Variants in SPATS2 observed in about 807,000 individuals in gnomAD.
SPATS2 encodes spermatogenesis-associated serine-rich protein 2.
Under a neutral mutation model 63.7 loss-of-function variants are expected in SPATS2, and 38 were observed. The ratio of observed to expected loss-of-function variants is 0.60; its 90% CI spans 0.46 to 0.78. The LOEUF (loss-of-function observed/expected upper bound fraction) is 0.78. Ranked by LOEUF, SPATS2 falls within the 30% of genes least tolerant of loss-of-function variation. The probability of loss-of-function intolerance (pLI) is 0.00; values close to 1 mark genes in which losing one functional copy is unlikely to be tolerated. For synonymous variants in SPATS2, 207 were observed against 232.9 expected, an observed-to-expected ratio of 0.89 and a Z score of 1.01; for missense variants, 588 against 666.2, an observed-to-expected ratio of 0.88 and a Z score of 1.29.
At chr12:49,400,094 A>G (rs527531060) in intron 2 of SPATS2, among the ~76,000 whole-genome samples, 1 of 152,328 alleles carries the variant, frequency 6.6e-6, no homozygotes, top group East Asian at 1.9e-4. Context: ...ACAGCTGTGA[A>G]CAAAACAGAC....
At chr12:49,403,642 A>ACACACACACACACACAC (rs1555180281) in intron 2 of SPATS2, among the ~76,000 whole-genome samples, 2 of 117,992 alleles carry the variant, frequency 1.7e-5, no homozygotes, top group African/African-American at 6.3e-5. Flanking sequence ...CACACACACA[A>ACACACACACACACACAC]ACAAAACTGG....
chr12:49,498,160 A>ATATG, intron 8 of SPATS2, among the ~76,000 whole-genome samples: 1 of 144,532 alleles, frequency 6.9e-6, no homozygotes, highest in African/African-American at 2.6e-5. Context: ...ATATATATAT[A>ATATG]TATATATATG....
At chr12:49,490,322 T>C (rs1946362071) in intron 5 of SPATS2, 1 of 183,366 alleles carries the variant, frequency 5.5e-6, no homozygotes, top group Admixed American at 6.1e-5. Context: ...AAGGTGGGTG[T>C]GTAACTGGAG....
At chr12:49,510,280 G>A (rs1251251220) in intron 9 of SPATS2, among the ~76,000 whole-genome samples, 2 of 149,040 alleles carry the variant, frequency 1.3e-5, no homozygotes, top group Non-Finnish European at 3.0e-5. Flanking sequence ...AAAAAAAATC[G>A]TCCAGGTACA....
intron 2 of SPATS2, among the ~76,000 whole-genome samples, chr12:49,374,220 TC>T: frequency 6.6e-6 from 1 of 152,306 alleles, no homozygotes; most frequent in East Asian, 1.9e-4. Context: ...GTCCTTGAAC[TC>T]CTTGAACTCA....
intron 3 of SPATS2, among the ~76,000 whole-genome samples, chr12:49,465,296 T>G (rs1945892653): frequency 6.6e-6 from 1 of 152,196 alleles, no homozygotes; most frequent in African/African-American, 2.4e-5. Flanking sequence ...TACACAGTTT[T>G]ACAATCCCAC....
At chr12:49,391,499 A>C (rs1189977565) in intron 2 of SPATS2, among the ~76,000 whole-genome samples, 1 of 152,194 alleles carries the variant, frequency 6.6e-6, no homozygotes, top group Admixed American at 6.5e-5. Context: ...GCAACAGGGC[A>C]AGACTGCGTC....
chr12:49,407,335 C>T (rs1944714360), intron 2 of SPATS2, among the ~76,000 whole-genome samples: 1 of 152,142 alleles, frequency 6.6e-6, no homozygotes, highest in African/African-American at 2.4e-5. Context: ...CTCCTTTGCT[C>T]AAGATCTTCC....
chr12:49,490,841 C>G, intron 6 of SPATS2, 110 bp downstream of exon 6: 2 of 1,068,924 alleles, frequency 1.9e-6, no homozygotes, highest in Admixed American at 4.6e-5. Flanking sequence ...TTCTGTTTAC[C>G]TGGTTAAAAA....
chr12:49,489,028 CT>C (rs1312117666), intron 4 of SPATS2, among the ~76,000 whole-genome samples: 1 of 152,028 alleles, frequency 6.6e-6, no homozygotes, highest in African/African-American at 2.4e-5. Context: ...TATAAATTAT[CT>C]TTATTTTACA....
chr12:49,520,171 G>A (rs1477186906), intron 11 of SPATS2, among the ~76,000 whole-genome samples: 1 of 151,990 alleles, frequency 6.6e-6, no homozygotes, highest in African/African-American at 2.4e-5. Flanking sequence ...GTAGAGATGG[G>A]GTTTCTCCAT....
rs117659467 is a variant in SPATS2 at position 49,381,437 on chromosome 12, A to G, written c.-244+10147A>G. Among the ~76,000 whole-genome samples, 330 of 152,362 alleles carry G rather than the reference A, an allele frequency of 2.2e-3. 4 individuals are homozygous for G. The highest frequency in any genetic ancestry group is 2.2e-3 in the Non-Finnish European group (151 of 68,030). ...AACAAAACCTGTATTTAAGGCCAAT[A>G]AAGATTTGACTCTGTCAGTGTTGAT... On this transcript the variant is annotated intron_variant, in intron 2 of 13. Transcript: ENST00000552918.
At chr12:49,421,885 T>C (rs1444814673) in intron 2 of SPATS2, among the ~76,000 whole-genome samples, 1 of 152,176 alleles carries the variant, frequency 6.6e-6, no homozygotes, top group Non-Finnish European at 1.5e-5. Flanking sequence ...TGCCTAATAT[T>C]TTGTAGGTAT....
Position 49,432,252 on chromosome 12 carries a change from T to C in SPATS2, c.-243-28518T>C, listed in dbSNP as rs750671173. The stretch of plus-strand genomic sequence containing the variant: ...ACTTGGGGAGGGTGAGGCAGGTGGA[T>C]CATGGGTTCAGGAGTTCGAGACCAG... On this transcript the variant is annotated intron_variant, in intron 2 of 13. Transcript: ENST00000552918. Among the ~76,000 whole-genome samples, 4 of 152,098 alleles carry C rather than the reference T, an allele frequency of 2.6e-5. No homozygotes were observed. The East Asian group carries it at 7.7e-4, about 29-fold the overall frequency.
chr12:49,508,332 C>T (rs1461793050), intron 9 of SPATS2, among the ~76,000 whole-genome samples: 3 of 152,112 alleles, frequency 2.0e-5, no homozygotes, highest in African/African-American at 7.2e-5. Context: ...CTCACCCTCC[C>T]GAGTAGCTGG....
In SPATS2 at chr12:49,524,992, T is replaced by G. The variant is rs578235974; in HGVS notation, c.1326+96T>G. On this transcript the variant is annotated intron_variant, in intron 13 of 13. Transcript: ENST00000552918. ...GCTCAGTATATTATCTTCCTCTCTA[T>G]TCCCATTCCATGCCTGTTTTGAATC... 1.3e-4 allele frequency: 158 copies of G among 1,209,374 alleles called. 2 individuals carry two copies. In the South Asian group the frequency reaches 2.2e-3, roughly 17 times the overall value. The allele number at this position is 1,209,374 out of a possible 1,614,324, so 74.9% of individuals were successfully genotyped here. A position where few individuals can be genotyped will look rare whatever the true frequency, so the allele number is the denominator to read the frequency against.
At chr12:49,476,990 A>G (rs1334768077) in intron 3 of SPATS2, among the ~76,000 whole-genome samples, 3 of 152,062 alleles carry the variant, frequency 2.0e-5, no homozygotes, top group Non-Finnish European at 4.4e-5. Context: ...CTATAATCCC[A>G]GCTACTTGGG....
In SPATS2 at chr12:49,367,470, C is replaced by G; in HGVS notation, c.-424C>G. On this transcript the variant is annotated 5_prime_UTR_variant, in exon 1 of 14. Transcript: ENST00000552918. ...TGGGGGAGGAGCGCGGCGGCGACGG[C>G]GGCGGTGGCTCTAGAAGGGGAGGTG... is the stretch of plus-strand genomic sequence containing the variant. 2.5e-6 allele frequency: 1 copy of G among 400,542 alleles called. No individual in the cohort carries two copies. Among genetic ancestry groups the G allele is most frequent in the East Asian group, 3.6e-5 (1 of 28,102 alleles). The allele number at this position is 400,542 out of a possible 1,614,324, so 24.8% of individuals were successfully genotyped here. A position where few individuals can be genotyped will look rare whatever the true frequency, so the allele number is the denominator to read the frequency against.
chr12:49,389,525 A>G, intron 2 of SPATS2: 1 of 924,124 alleles, frequency 1.1e-6, no homozygotes, highest in South Asian at 1.3e-5. Flanking sequence ...AATGAGTTGC[A>G]CAATTGAGAA....
Sources: allele counts gnomAD v4.1 joint callset (sites outside exome capture counted in the v4.1 genomes callset), GRCh38; gene constraint gnomAD v4.1.1; transcripts MANE v1.5; gene names NCBI Gene and HGNC (gene_info 2026-07-23, HGNC 2026-07-21).